DSN1: variants seen among roughly 807,000 people sequenced by gnomAD.
DSN1 encodes kinetochore-associated protein DSN1 homolog.
In DSN1, 31 loss-of-function variants were observed where a neutral mutation model predicts 45.7. The observed-to-expected ratio is 0.68, with a 90% CI of 0.51 to 0.92. DSN1 has a LOEUF of 0.92. Ranked by LOEUF, DSN1 falls within the 40% of genes least tolerant of loss-of-function variation. DSN1 has a pLI of 0.00. For synonymous variants in DSN1, 134 were observed against 142.3 expected, an observed-to-expected ratio of 0.94 and a Z score of 0.41; for missense variants, 394 against 414.2, an observed-to-expected ratio of 0.95 and a Z score of 0.42.
chr20:36,768,070 G>A (rs763643000), intron 3 of DSN1, 28 bp from the exon 4 acceptor site: 1 of 1,611,222 alleles, frequency 6.2e-7, no homozygotes, highest in African/African-American at 1.3e-5. Flanking sequence ...CACATTTAAG[G>A]AGCTGGATAG....
chr20:36,768,968 C>T (rs754259479), intron 3 of DSN1, among the ~76,000 whole-genome samples: 1 of 152,212 alleles, frequency 6.6e-6, no homozygotes, highest in South Asian at 2.1e-4. Flanking sequence ...ATATAAAAAG[C>T]ATTTTATGAA....
chr20:36,760,800 G>C (rs1015438901), intron 6 of DSN1, among the ~76,000 whole-genome samples: 2 of 152,274 alleles, frequency 1.3e-5, no homozygotes, highest in African/African-American at 4.8e-5. Flanking sequence ...TGAGGCAGGA[G>C]AATCACTTGA....
chr20:36,762,423 T>C (rs182896350), intron 6 of DSN1, 38 bp downstream of exon 6: 2 of 1,591,452 alleles, frequency 1.3e-6, no homozygotes, highest in East Asian at 4.5e-5. Flanking sequence ...AAGTCCTAAT[T>C]CAATCATAAT....
chr20:36,769,940 C>CAG (rs147257254), intron 3 of DSN1, among the ~76,000 whole-genome samples: 139 of 85,002 alleles, frequency 1.6e-3, no homozygotes, highest in African/African-American at 2.9e-3. Flanking sequence ...CACACACACA[C>CAG]AGAGAGAGAG....
At chr20:36,760,765 G>A (rs1000396277) in intron 6 of DSN1, among the ~76,000 whole-genome samples, 6 of 152,114 alleles carry the variant, frequency 3.9e-5, no homozygotes, top group African/African-American at 1.2e-4. Context: ...GCAGGTGCCT[G>A]TAATCCTAGC....
Position 36,762,550 on chromosome 20 carries a change from T to G in DSN1, c.503-2A>C. On this transcript the variant is annotated splice_acceptor_variant, in intron 5 of 10. Coordinates refer to ENST00000373750, the MANE Select transcript of DSN1 (RefSeq NM_001145315.2). LOFTEE classifies it high-confidence loss of function. ...TCAATTCTTCAGAAAGAGAAGATGC[T>G]AGACAGCACAAATTTACGTGTCATA... 1 of 1,611,786 alleles carries G rather than the reference T, an allele frequency of 6.2e-7. No homozygotes were observed. The highest frequency in any genetic ancestry group is 8.5e-7 in the Non-Finnish European group (1 of 1,179,030).
chr20:36,771,511 T>C, intron 1 of DSN1, 38 bp from the exon 2 acceptor site: 4 of 1,598,988 alleles, frequency 2.5e-6, no homozygotes, highest in Non-Finnish European at 3.4e-6. Context: ...GTTCTTCACG[T>C]TTCACTGCAG....
At chr20:36,760,994 T>C (rs1018413930) in intron 6 of DSN1, among the ~76,000 whole-genome samples, 1 of 152,170 alleles carries the variant, frequency 6.6e-6, no homozygotes, top group Non-Finnish European at 1.5e-5. Context: ...AAACCTAAAG[T>C]TCATGATGTA....
At chr20:36,755,165 G>A (rs1986603972) in intron 9 of DSN1, among the ~76,000 whole-genome samples, 1 of 152,054 alleles carries the variant, frequency 6.6e-6, no homozygotes, top group East Asian at 1.9e-4. Context: ...CACAGTAACT[G>A]CTACTCCCTC....
intron 10 of DSN1, among the ~76,000 whole-genome samples, chr20:36,753,508 C>T (rs1468348756): frequency 6.6e-6 from 1 of 151,136 alleles, no homozygotes; most frequent in East Asian, 2.0e-4. Flanking sequence ...CATGGTGGCA[C>T]ATGCCTGTAA....
At chr20:36,766,918 G>T in intron 4 of DSN1, 77 bp from the exon 5 acceptor site, 2 of 973,420 alleles carry the variant, frequency 2.1e-6, no homozygotes, top group Non-Finnish European at 3.1e-6. Context: ...ATTTTATGAT[G>T]TTTAATAAAT....
intron 8 of DSN1, among the ~76,000 whole-genome samples, chr20:36,756,101 C>T (rs1425835168): frequency 6.6e-6 from 1 of 152,020 alleles, no homozygotes; most frequent in Non-Finnish European, 1.5e-5. Context: ...CTGCCTCAGC[C>T]TCCTGAGTAG....
chr20:36,754,573 T>C (rs1294488608), intron 10 of DSN1, among the ~76,000 whole-genome samples, 190 bp downstream of exon 10: 2 of 152,198 alleles, frequency 1.3e-5, no homozygotes, highest in Non-Finnish European at 2.9e-5. Context: ...TGTGCTTCTG[T>C]AGAATTTACA....
At chr20:36,767,074 G>C (rs974565977) in intron 4 of DSN1, among the ~76,000 whole-genome samples, 3 of 151,898 alleles carry the variant, frequency 2.0e-5, no homozygotes, top group African/African-American at 7.3e-5. Context: ...GGGAGGCTGA[G>C]ACAGGCGGAT....
intron 1 of DSN1, 129 bp from the exon 2 acceptor site, chr20:36,771,602 G>A (rs1987656398): frequency 2.8e-6 from 2 of 725,648 alleles, no homozygotes; most frequent in East Asian, 2.7e-5. Context: ...CCACCTCCCT[G>A]ACAGAGAATA....
At position 36,762,536 on chromosome 20, in the gene DSN1, G is replaced by T; in HGVS notation, c.515C>A (p.Ser172Tyr). Residue 172 changes from serine (S) to tyrosine (Y), a missense_variant, in exon 6 of 11, where the codon TCT (serine) becomes TAT (tyrosine). Coordinates refer to ENST00000373750, the MANE Select transcript of DSN1 (RefSeq NM_001145315.2). ...GTCTGCAAAATGTTTCAATTCTTCA[G>T]AAAGAGAAGATGCTAGACAGCACAA... ...ESFRAKASSL[S>Y]EELKHFADGL... is the part of the protein sequence containing the mutation. The T allele has an allele frequency of 1.2e-6, 2 of 1,613,478 alleles. No individual in the cohort carries two copies. Among genetic ancestry groups the T allele is most frequent in the Non-Finnish European group, 1.7e-6 (2 of 1,179,746 alleles).
intron 5 of DSN1, 136 bp downstream of exon 5, chr20:36,766,633 C>A (rs956551237): frequency 1.4e-5 from 11 of 770,602 alleles, no homozygotes; most frequent in Non-Finnish European, 2.4e-5. Context: ...CCAGTCTGGG[C>A]AAGAGTGAGA....
chr20:36,765,247 T>TAAAAAAAAAAAAA (rs33998027), intron 5 of DSN1, among the ~76,000 whole-genome samples: 10 of 75,278 alleles, frequency 1.3e-4, no homozygotes, highest in African/African-American at 5.9e-4. Flanking sequence ...AGGCTTGTGT[T>TAAAAAAAAAAAAA]AAAAAAAAAA....
intron 3 of DSN1, 105 bp from the exon 4 acceptor site, chr20:36,768,147 G>T (rs932595867): frequency 2.9e-5 from 30 of 1,030,396 alleles, no homozygotes; most frequent in African/African-American, 4.8e-5. Flanking sequence ...CTTAAGGCAA[G>T]AACAGCCTTC....
Sources: allele counts gnomAD v4.1 joint callset (sites outside exome capture counted in the v4.1 genomes callset), GRCh38; gene constraint gnomAD v4.1.1; transcripts MANE v1.5; gene names NCBI Gene and HGNC (gene_info 2026-07-23, HGNC 2026-07-21).